The following MON2 variants were observed in gnomAD, a reference collection of about 807,000 sequenced individuals.
MON2 encodes MON2 regulator of endosome-to-Golgi trafficking, also known as protein MON2 homolog.
MON2 carries 84 observed loss-of-function variants against 208.6 expected under a neutral mutation model. The ratio of observed to expected loss-of-function variants is 0.40; its 90% CI spans 0.34 to 0.48. The LOEUF (loss-of-function observed/expected upper bound fraction) is 0.48, where lower values mean the gene tolerates loss of function less well. Among genes scored for constraint, MON2 ranks in the 20% least tolerant of loss-of-function variants. MON2 has a pLI of 0.59. For missense variants in MON2, 1,611 were observed against 2,015.4 expected (o/e 0.80, Z 3.84); for synonymous variants, 660 against 694.0 (o/e 0.95, Z 0.77).
At position 62,566,043 on chromosome 12, in the gene MON2, T is replaced by G. The variant is rs2074373001; in HGVS notation, c.4194+12T>G. 1.2e-6 allele frequency: 2 copies of G among 1,609,358 alleles called. No individual in the cohort carries two copies. The highest frequency in any genetic ancestry group is 1.1e-5 in the South Asian group (1 of 90,630). On this transcript the variant is annotated intron_variant, in intron 28 of 34. Coordinates refer to ENST00000393630, the MANE Select transcript of MON2 (RefSeq NM_015026.3). ...AACTATTTGCACCGGTGAGTTAAAT[T>G]TCCTAAAATTGTCCTAACCTCTTGG...
rs546671934 is a variant in MON2 at position 62,490,010 on chromosome 12, A to G, written c.176-3905A>G. 6.2e-5 allele frequency: 75 copies of G among 1,205,756 alleles called. 1 individual carries two copies. In the South Asian group the frequency reaches 9.2e-4, roughly 15 times the overall value. The allele number at this position is 1,205,756 out of a possible 1,614,324, so 74.7% of individuals were successfully genotyped here. A position where few individuals can be genotyped will look rare whatever the true frequency, so the allele number is the denominator to read the frequency against. On this transcript the variant is annotated intron_variant, in intron 2 of 34. Transcript: ENST00000393630. ...CTGTTAATATGATTCATAGTGGGGTATCCTAGTTTAATTCTTTTTTTCCAG... is the reference window on the plus strand; with the variant it reads ...CTGTTAATATGATTCATAGTGGGGTGTCCTAGTTTAATTCTTTTTTTCCAG...
At chr12:62,528,095 A>G (rs2072432249) in intron 11 of MON2, among the ~76,000 whole-genome samples, 1 of 149,838 alleles carries the variant, frequency 6.7e-6, no homozygotes, top group Non-Finnish European at 1.5e-5. Flanking sequence ...TTTTAGTGCT[A>G]TACATACTGA....
chr12:62,568,602 G>A (rs1056074709), intron 29 of MON2, among the ~76,000 whole-genome samples: 1 of 152,108 alleles, frequency 6.6e-6, no homozygotes, highest in African/African-American at 2.4e-5. Context: ...TTCTCCCAAA[G>A]CACTAGGATT....
intron 26 of MON2, among the ~76,000 whole-genome samples, chr12:62,563,767 T>C (rs2074277437): frequency 6.6e-6 from 1 of 152,126 alleles, no homozygotes. Context: ...AGTTAAGTCA[T>C]TAATTTGTGT....
chr12:62,565,158 G>C, intron 26 of MON2, 79 bp from the exon 27 acceptor site: 1 of 1,392,262 alleles, frequency 7.2e-7, no homozygotes, highest in Non-Finnish European at 9.9e-7. Context: ...AGATTCTGTG[G>C]TTAAACAAAT....
intron 7 of MON2, among the ~76,000 whole-genome samples, chr12:62,505,693 C>A (rs2071062366): frequency 6.7e-6 from 1 of 149,692 alleles, no homozygotes; most frequent in African/African-American, 2.5e-5. Flanking sequence ...CCAGCCTGGG[C>A]AACATAGTGA....
At chr12:62,576,747 A>G (rs2074802341) in intron 30 of MON2, among the ~76,000 whole-genome samples, 1 of 151,772 alleles carries the variant, frequency 6.6e-6, no homozygotes, top group Non-Finnish European at 1.5e-5. Context: ...TATGTTTGCT[A>G]GTTATAAATT....
At chr12:62,585,773 AT>A (rs2075203993) in intron 33 of MON2, 1 of 238,792 alleles carries the variant, frequency 4.2e-6, no homozygotes, top group South Asian at 1.5e-4. Context: ...TTAAAAAAAA[AT>A]AAACTGAATT....
At chr12:62,497,315 A>AAG (rs1211745579) in intron 4 of MON2, among the ~76,000 whole-genome samples, 1 of 152,024 alleles carries the variant, frequency 6.6e-6, no homozygotes, top group African/African-American at 2.4e-5. Flanking sequence ...AAAGTATAAT[A>AAG]AAAAAAATTC....
At chr12:62,539,706 A>T (rs902709091) in intron 19 of MON2, among the ~76,000 whole-genome samples, 3 of 152,118 alleles carry the variant, frequency 2.0e-5, no homozygotes, top group African/African-American at 7.2e-5. Context: ...AATTATATAA[A>T]CATGCAGGTG....
At chr12:62,586,416 A>C (rs1345403974) in intron 33 of MON2, among the ~76,000 whole-genome samples, 1 of 152,200 alleles carries the variant, frequency 6.6e-6, no homozygotes, top group Non-Finnish European at 1.5e-5. Flanking sequence ...GATTTATACC[A>C]ATTTACATTC....
chr12:62,577,146 T>A (rs924408920), intron 30 of MON2, among the ~76,000 whole-genome samples: 31 of 152,076 alleles, frequency 2.0e-4, no homozygotes, highest in Admixed American at 2.0e-3. Flanking sequence ...ACAACTTTTG[T>A]CTCTAGAGAT....
intron 2 of MON2, among the ~76,000 whole-genome samples, chr12:62,491,125 T>C (rs1004545434): frequency 1.3e-5 from 2 of 152,214 alleles, no homozygotes; most frequent in African/African-American, 4.8e-5. Context: ...TGATACCACA[T>C]ACATTGAGTT....
rs1023298178 is a variant in MON2 at position 62,580,282 on chromosome 12, C to T, written c.4576-15C>T. On this transcript the variant is annotated splice_polypyrimidine_tract_variant and intron_variant, in intron 31 of 34. Coordinates refer to ENST00000393630, the MANE Select transcript of MON2 (RefSeq NM_015026.3). ...AAAGAAAACAATACATTTGCATTTG[C>T]CTCTTTTGTTTTAGGTAGTTCAACT... 2 of 1,601,762 alleles carry T rather than the reference C, an allele frequency of 1.2e-6. No homozygotes were observed. Among genetic ancestry groups the T allele is most frequent in the South Asian group, 1.1e-5 (1 of 88,418 alleles).
intron 19 of MON2, among the ~76,000 whole-genome samples, chr12:62,541,407 A>G (rs935163401): frequency 1.3e-5 from 2 of 151,954 alleles, no homozygotes; most frequent in African/African-American, 4.8e-5. Context: ...AAGCTTGCAA[A>G]TTCTTTCTTA....
rs116462168 is a variant in MON2 at position 62,487,236 on chromosome 12, A to G, written c.175+3003A>G. On this transcript the variant is annotated intron_variant, in intron 2 of 34. Transcript: ENST00000393630. ...CATAAAGTTTTCATTTACAAGGCCA[A>G]ATACCTTAATCTTACATTTATTATA... Among the ~76,000 whole-genome samples, 402 of 152,190 alleles carry G rather than the reference A, an allele frequency of 2.6e-3. 2 individuals are homozygous for G. The highest frequency in any genetic ancestry group is 8.7e-3 in the African/African-American group (362 of 41,570).
intron 21 of MON2, among the ~76,000 whole-genome samples, chr12:62,546,171 G>A (rs867378864): frequency 3.3e-5 from 5 of 151,902 alleles, no homozygotes; most frequent in South Asian, 2.1e-4. Context: ...CATCACACTT[G>A]AGAATTTTAC....
At chr12:62,468,691 A>T (rs896743394) in intron 1 of MON2, among the ~76,000 whole-genome samples, 2 of 151,934 alleles carry the variant, frequency 1.3e-5, no homozygotes, top group East Asian at 1.9e-4. Context: ...ATTGATTTTC[A>T]TTTTTTTTAT....
At chr12:62,584,463 G>T (rs752176454) in intron 32 of MON2, among the ~76,000 whole-genome samples, 1 of 152,144 alleles carries the variant, frequency 6.6e-6, no homozygotes, top group Non-Finnish European at 1.5e-5. Flanking sequence ...CAGCACTTTG[G>T]GAAGCCAAGG....
Sources: allele counts gnomAD v4.1 joint callset (sites outside exome capture counted in the v4.1 genomes callset), GRCh38; gene constraint gnomAD v4.1.1; transcripts MANE v1.5; gene names NCBI Gene and HGNC (gene_info 2026-07-23, HGNC 2026-07-21).